VCP: variants seen among roughly 807,000 people sequenced by gnomAD.
The protein encoded by VCP is transitional endoplasmic reticulum ATPase.
In VCP, 6 loss-of-function variants were observed where a neutral mutation model predicts 85.7. The ratio of observed to expected loss-of-function variants is 0.07; its 90% CI spans 0.04 to 0.14. VCP has a LOEUF of 0.14. Ranked by LOEUF, VCP falls within the 10% of genes least tolerant of loss-of-function variation. VCP has a pLI of 1.00. For missense variants in VCP, 353 were observed against 1,043.4 expected, an observed-to-expected ratio of 0.34 and a Z score of 9.12; for synonymous variants, 384 against 367.1, an observed-to-expected ratio of 1.05 and a Z score of -0.53.
chr9:35,070,618 T>TA (rs1425881987), intron 1 of VCP, among the ~76,000 whole-genome samples: 1 of 152,134 alleles, frequency 6.6e-6, no homozygotes, highest in African/African-American at 2.4e-5. Flanking sequence ...TGCATTTTAA[T>TA]AGAGATGGGG....
chr9:35,068,675 T>TA (rs1828881953), intron 1 of VCP, among the ~76,000 whole-genome samples: 1 of 152,086 alleles, frequency 6.6e-6, no homozygotes, highest in Non-Finnish European at 1.5e-5. Flanking sequence ...GAATAGTTGT[T>TA]AGAGAAATAA....
intron 12 of VCP, 71 bp from the exon 13 acceptor site, chr9:35,060,596 T>A (rs1289767944): frequency 6.5e-7 from 1 of 1,548,936 alleles, no homozygotes; most frequent in African/African-American, 1.4e-5. Flanking sequence ...AACAGAAGCA[T>A]CCCCTCCATT....
chr9:35,057,170 C>T lies in VCP; in HGVS notation c.2368G>A (p.Gly790Ser). 1.2e-6 allele frequency: 2 copies of T among 1,614,170 alleles called. No individual in the cohort carries two copies. The highest frequency in any genetic ancestry group is 1.7e-6 in the Non-Finnish European group (2 of 1,180,034). Residue 790 changes from glycine (G) to serine (S), a missense_variant, in exon 17 of 17, where the codon GGC becomes AGC. Around this residue, in one of 8 missense-constraint regions of VCP, gnomAD observed 93 missense variants for 197.1 expected, o/e 0.47. Transcript: ENST00000358901. ...TCTGTGTATACACTGCCACCTGTGC[C>T]GCCTCCACTGCCCTGACTGGGGCCA... Reference protein sequence around the residue: ...GAGPSQGSGGGTGGSVYTEDN... With the variant: ...GAGPSQGSGGSTGGSVYTEDN...
chr9:35,069,104 G>A (rs1409806811), intron 1 of VCP, among the ~76,000 whole-genome samples: 1 of 152,128 alleles, frequency 6.6e-6, no homozygotes, highest in Admixed American at 6.6e-5. Flanking sequence ...TGATGCCAGG[G>A]CATTCCATAG....
chr9:35,057,873 T>C (rs1471818720), intron 15 of VCP: 2 of 392,544 alleles, frequency 5.1e-6, no homozygotes, highest in Non-Finnish European at 4.8e-6. Context: ...TCATAAAGCA[T>C]GGAAATGGTA....
rs514492 is a variant in VCP at position 35,062,975 on chromosome 9, C to T, written c.811+3G>A. The stretch of plus-strand genomic sequence containing the variant: ...TAGACATAAGATGAACCAAATATCT[C>T]ACCATTGATCAAGAAGAAGAAGGCT... On this transcript the variant is annotated splice_donor_region_variant and intron_variant, in intron 7 of 16. Coordinates refer to ENST00000358901, the MANE Select transcript of VCP (RefSeq NM_007126.5). 1,232,320 of 1,613,250 alleles carry T rather than the reference C, an allele frequency of 0.76. 473,708 individuals carry two copies. The highest frequency in any genetic ancestry group is 0.83 in the Admixed American group (49,652 of 59,954).
chr9:35,058,047 C>T (rs926327626), intron 15 of VCP, among the ~76,000 whole-genome samples: 1 of 152,172 alleles, frequency 6.6e-6, no homozygotes, highest in Non-Finnish European at 1.5e-5. Context: ...CCCAGGGTTT[C>T]CCAATGATTG....
chr9:35,065,601 C>G (rs1828813367), intron 4 of VCP, among the ~76,000 whole-genome samples: 1 of 152,156 alleles, frequency 6.6e-6, no homozygotes, highest in South Asian at 2.1e-4. Flanking sequence ...GGTCAGTGAA[C>G]AAAACCTGAC....
At position 35,056,737 on chromosome 9, in the gene VCP, G is replaced by T. The variant is rs546162212; in HGVS notation, c.*380C>A. 2.6e-5 allele frequency: 8 copies of T among 307,786 alleles called. No homozygotes were observed. The East Asian group carries it at 6.4e-4, about 25-fold the overall frequency. 19.1% of individuals were successfully genotyped at this position (307,786 alleles called of 1,614,324 possible). A position where few individuals can be genotyped will look rare whatever the true frequency, so the allele number is the denominator to read the frequency against. On this transcript the variant is annotated 3_prime_UTR_variant, in exon 17 of 17. Transcript: ENST00000358901. ...ACCCACCTACCCAGGTTGGATAGGG[G>T]GAAGGGAGGGCTCGGGCAGCATTGA... is the stretch of plus-strand genomic sequence containing the variant.
Position 35,059,869 on chromosome 9 carries a change from A to C in VCP, c.1696-68T>G, listed in dbSNP as rs561726970. On this transcript the variant is annotated intron_variant, in intron 13 of 16. Transcript: ENST00000358901. This position sits in a 1 kb window ranked among gnomAD's most constrained non-coding sequence, Gnocchi z 4.9. The stretch of plus-strand genomic sequence containing the variant: ...TGTCTCTAGGCAAACGTGGTGGCTC[A>C]CACCTGTATTCCCAGCACTTTGGGA... 8 of 1,602,312 alleles carry C rather than the reference A, an allele frequency of 5.0e-6. No individual in the cohort carries two copies. The highest frequency in any genetic ancestry group is 6.8e-6 in the Non-Finnish European group (8 of 1,170,670).
chr9:35,062,384 T>C (rs1388220455), intron 7 of VCP, 34 bp from the exon 8 acceptor site: 2 of 1,613,832 alleles, frequency 1.2e-6, no homozygotes, highest in South Asian at 2.2e-5. Flanking sequence ...AATAACAAAA[T>C]GATAGTCTTT....
Position 35,062,207 on chromosome 9 carries a change from A to G in VCP, c.945+10T>C. The G allele has an allele frequency of 6.2e-7, 1 of 1,614,116 alleles. No homozygotes were observed. Among genetic ancestry groups the G allele is most frequent in the Non-Finnish European group, 8.5e-7 (1 of 1,180,012 alleles). On this transcript the variant is annotated intron_variant, in intron 8 of 16. Transcript: ENST00000358901. ...TCAACCCCCCTCTATCCCCTCAGGTAAGCTCCTACTTTCTCTCTTTTGGGA... is the reference window on the plus strand; with the variant it reads ...TCAACCCCCCTCTATCCCCTCAGGTGAGCTCCTACTTTCTCTCTTTTGGGA...
rs1174972417 is a variant in VCP at position 35,056,252 on chromosome 9, AAC to A, written c.*863_*864del. ...CCCTGCGATTTTCAAATGGCACCCC[AAC>A]ACAGTCTTTGGTCAGGATAAGGGAT... On this transcript the variant is annotated 3_prime_UTR_variant, in exon 17 of 17. Transcript: ENST00000358901. 6.6e-5 allele frequency: 10 copies of A among 152,204 alleles called. No individual in the cohort carries two copies. Among genetic ancestry groups the A allele is most frequent in the Non-Finnish European group, 1.0e-4 (7 of 68,040 alleles). The allele number at this position is 152,204 out of a possible 1,614,324, so 9.4% of individuals were successfully genotyped here.
chr9:35,065,898 A>G (rs1213940648), intron 4 of VCP, among the ~76,000 whole-genome samples: 1 of 152,118 alleles, frequency 6.6e-6, no homozygotes, highest in Non-Finnish European at 1.5e-5. Flanking sequence ...GGCCGGGCAC[A>G]GTGGCTCACC....
chr9:35,060,059 G>A (rs1828691201), intron 13 of VCP, among the ~76,000 whole-genome samples: 1 of 151,962 alleles, frequency 6.6e-6, no homozygotes, highest in African/African-American at 2.4e-5. Context: ...TTAAGCCCAG[G>A]TTTCAAGGTT....
In VCP at chr9:35,058,770, AAAAAAAC is replaced by A. The variant is rs1554668093; in HGVS notation, c.2160+287_2160+293del. Among the ~76,000 whole-genome samples, 14 of 152,030 alleles carry A rather than the reference AAAAAAAC, an allele frequency of 9.2e-5. No homozygotes were observed. In the South Asian group the frequency reaches 2.1e-3, roughly 23 times the overall value. ...CAACAGAGTGAGACTTCGTCTCAAA[AAAAAAAC>A]AAAAAACAAAAAACAAAAAAAACCT... On this transcript the variant is annotated intron_variant, in intron 15 of 16. Coordinates refer to ENST00000358901, the MANE Select transcript of VCP (RefSeq NM_007126.5).
At position 35,059,925 on chromosome 9, in the gene VCP, A is replaced by C; in HGVS notation, c.1696-124T>G. ...AGGTGGGAGGATCACTTGAGGCCAG[A>C]AATCCGAAACCAGCATGGGCAACAT... On this transcript the variant is annotated intron_variant, in intron 13 of 16. Transcript: ENST00000358901. This position sits in a 1 kb window ranked among gnomAD's most constrained non-coding sequence, Gnocchi z 4.9. 1 of 1,272,326 alleles carries C rather than the reference A, an allele frequency of 7.9e-7. No homozygotes were observed. The allele number at this position is 1,272,326 out of a possible 1,614,324, so 78.8% of individuals were successfully genotyped here. A position where few individuals can be genotyped will look rare whatever the true frequency, so the allele number is the denominator to read the frequency against.
chr9:35,061,732 C>T (rs753189638), intron 9 of VCP, 43 bp from the exon 10 acceptor site: 1 of 1,417,298 alleles, frequency 7.1e-7, no homozygotes, highest in South Asian at 1.1e-5. Context: ...CATCTCTAGT[C>T]CAGAGGTAAG....
intron 6 of VCP, 84 bp from the exon 7 acceptor site, chr9:35,063,164 G>A (rs916638395): frequency 1.3e-5 from 16 of 1,225,898 alleles, no homozygotes; most frequent in Admixed American, 1.2e-4. Context: ...GAGAGGGTGA[G>A]AATCAGGCTT....
Sources: gnomAD v4.1 joint callset for allele counts (sites outside exome capture counted in the v4.1 genomes callset) on GRCh38, gnomAD v4.1.1 for gene constraint, gnomAD v4.1.1 regional missense constraint, Gnocchi (gnomAD v3.1) non-coding constraint, MANE v1.5 for transcripts, NCBI Gene and HGNC (gene_info 2026-07-23, HGNC 2026-07-21) for gene names.